SKIC3: variants seen among roughly 807,000 people sequenced by gnomAD.
The protein encoded by SKIC3 is SKI3 subunit of superkiller complex.
At chr5:95,494,849 C>G in the SKIC3 span, 10 of 1,601,902 alleles carry the variant, frequency 6.2e-6, no homozygotes, top group African/African-American at 1.3e-5. Flanking sequence ...CTCTTTCAAA[C>G]TGACTAAAAG....
the SKIC3 span, chr5:95,469,795 C>T: frequency 1.5e-5 from 24 of 1,613,826 alleles, no homozygotes; most frequent in East Asian, 1.1e-4. Context: ...CCCCATTTTG[C>T]GTTTGAATTG....
At chr5:95,482,517 G>A in the SKIC3 span, 1 of 1,614,002 alleles carries the variant, frequency 6.2e-7, no homozygotes, top group Non-Finnish European at 8.5e-7. Flanking sequence ...ACTGTTTTTT[G>A]TAGTTCTTCA....
the SKIC3 span, among the ~76,000 whole-genome samples, chr5:95,472,348 G>A: frequency 6.6e-6 from 1 of 152,170 alleles, no homozygotes; most frequent in Admixed American, 6.5e-5. Flanking sequence ...AGAAACATGG[G>A]ATCACTTTCT....
chr5:95,512,657 A>AATT, the SKIC3 span: 3 of 1,611,836 alleles, frequency 1.9e-6, no homozygotes, highest in Middle Eastern at 1.7e-4. Flanking sequence ...TAGGATAATA[A>AATT]ATGTGTCAAT....
the SKIC3 span, chr5:95,537,126 C>T: frequency 6.2e-7 from 1 of 1,613,280 alleles, no homozygotes; most frequent in Non-Finnish European, 8.5e-7. Context: ...AGTGCATTCT[C>T]AAAAGCAGTA....
At chr5:95,503,424 A>G in the SKIC3 span, among the ~76,000 whole-genome samples, 61 of 152,376 alleles carry the variant, frequency 4.0e-4, 1 homozygote, top group Non-Finnish European at 8.1e-4. Context: ...AATGCATCAT[A>G]TAACATATTT....
At chr5:95,492,652 GAAAAAAAAAAA>G in the SKIC3 span, among the ~76,000 whole-genome samples, 3 of 48,842 alleles carry the variant, frequency 6.1e-5, no homozygotes, top group East Asian at 7.3e-4. Flanking sequence ...AAAAAAAAAA[GAAAAAAAAAAA>G]AAAAAAAAAA....
At chr5:95,498,664 C>T in the SKIC3 span, 6 of 1,405,900 alleles carry the variant, frequency 4.3e-6, no homozygotes, top group South Asian at 1.2e-5. Context: ...CTCGCTCTGT[C>T]GCCCAGGCTG....
the SKIC3 span, among the ~76,000 whole-genome samples, chr5:95,509,137 A>G: frequency 6.6e-6 from 1 of 152,208 alleles, no homozygotes; most frequent in Non-Finnish European, 1.5e-5. Context: ...ACAATGAAAC[A>G]TCAGGAAAGG....
At chr5:95,531,166 T>C in the SKIC3 span, among the ~76,000 whole-genome samples, 1 of 152,156 alleles carries the variant, frequency 6.6e-6, no homozygotes, top group African/African-American at 2.4e-5. Context: ...AGGTAAATTA[T>C]TTGCATAATA....
the SKIC3 span, among the ~76,000 whole-genome samples, chr5:95,466,656 A>C: frequency 1.3e-5 from 2 of 152,212 alleles, no homozygotes; most frequent in African/African-American, 4.8e-5. Context: ...AAGACCAGTG[A>C]CAATTCATGC....
At chr5:95,477,476 T>C in the SKIC3 span, among the ~76,000 whole-genome samples, 1 of 152,158 alleles carries the variant, frequency 6.6e-6, no homozygotes, top group Non-Finnish European at 1.5e-5. Context: ...GATAATTTCT[T>C]CTAACCATGT....
chr5:95,514,455 T>C, the SKIC3 span, among the ~76,000 whole-genome samples: 2 of 152,152 alleles, frequency 1.3e-5, no homozygotes, highest in Admixed American at 6.6e-5. Flanking sequence ...AAACATAATA[T>C]TCAAAATGAT....
the SKIC3 span, among the ~76,000 whole-genome samples, chr5:95,474,586 A>T: frequency 6.6e-6 from 1 of 152,110 alleles, no homozygotes; most frequent in African/African-American, 2.4e-5. Context: ...GGTAAATCTC[A>T]TGCTATGTGC....
chr5:95,552,726 A>G, the SKIC3 span, among the ~76,000 whole-genome samples: 4 of 152,076 alleles, frequency 2.6e-5, no homozygotes, highest in African/African-American at 9.7e-5. Flanking sequence ...AAATGGTTAC[A>G]TTCTCTTGAG....
chr5:95,524,048 T>A, the SKIC3 span, among the ~76,000 whole-genome samples: 5 of 152,138 alleles, frequency 3.3e-5, no homozygotes, highest in Non-Finnish European at 7.4e-5. Flanking sequence ...TATAAAAATA[T>A]TTTGTTTTTT....
At chr5:95,542,598 C>G in the SKIC3 span, among the ~76,000 whole-genome samples, 4 of 152,212 alleles carry the variant, frequency 2.6e-5, no homozygotes, top group Non-Finnish European at 5.9e-5. Flanking sequence ...ATTTCTCTAA[C>G]TGTGTTACCA....
the SKIC3 span, among the ~76,000 whole-genome samples, chr5:95,465,751 G>C: frequency 6.6e-6 from 1 of 152,132 alleles, no homozygotes; most frequent in Non-Finnish European, 1.5e-5. Context: ...TTACAAGAAG[G>C]GAACCCTAAG....
At chr5:95,496,018 C>CT in the SKIC3 span, among the ~76,000 whole-genome samples, 211 of 142,640 alleles carry the variant, frequency 1.5e-3, no homozygotes, top group South Asian at 6.5e-3. Flanking sequence ...CAATTTCTTT[C>CT]TTTTTTTTTT....
Sources: allele counts gnomAD v4.1 joint callset (sites outside exome capture counted in the v4.1 genomes callset), GRCh38; gene constraint gnomAD v4.1.1; transcripts MANE v1.5; gene names NCBI Gene and HGNC (gene_info 2026-07-23, HGNC 2026-07-21).